Variants in ZNF407 observed in about 807,000 individuals in gnomAD.
ZNF407 encodes the protein zinc finger protein 407.
Under a neutral mutation model 131.2 loss-of-function variants are expected in ZNF407, and 17 were observed. The ratio of observed to expected loss-of-function variants is 0.13; its 90% CI spans 0.09 to 0.19. ZNF407 has a LOEUF of 0.19. Ranked by LOEUF, ZNF407 falls within the 10% of genes least tolerant of loss-of-function variation. The pLI, the probability that ZNF407 is intolerant of heterozygous loss-of-function variation, is 1.00. For synonymous variants in ZNF407, 1,156 were observed against 1,062.0 expected (o/e 1.09, Z -1.72); for missense variants, 2,681 against 2,830.6 (o/e 0.95, Z 1.20).
At position 75,063,501 on chromosome 18, in the gene ZNF407, G is replaced by A. The variant is rs1050103763; in HGVS notation, c.5780G>A (p.Gly1927Glu). Reference sequence around the variant, plus strand: ...GCACATGTAGGCAGCGTGGTGCCCGGACCCATCCTCCCCGAGCAGCTGGCT... The same window carrying A: ...GCACATGTAGGCAGCGTGGTGCCCGAACCCATCCTCCCCGAGCAGCTGGCT... The part of the protein sequence containing the change: ...SGAHVGSVVP[G>E]PILPEQLADG... The change falls in exon 9 of 9, where the codon GGA (glycine) becomes GAA (glutamate). Residue 1927 changes from glycine to glutamate, a missense_variant. Gly to Glu is a moderately conservative substitution (Grantham distance 98). Transcript: ENST00000299687. The surrounding 1 kb of genome is among the most constrained non-coding windows in gnomAD (Gnocchi z 6.6). 2.5e-6 allele frequency: 4 copies of A among 1,591,584 alleles called. No homozygotes were observed. Among genetic ancestry groups the A allele is most frequent in the Non-Finnish European group, 2.6e-6 (3 of 1,170,698 alleles).
intron 4 of ZNF407, among the ~76,000 whole-genome samples, chr18:74,857,747 C>A (rs1970878851): frequency 6.6e-6 from 1 of 152,064 alleles, no homozygotes; most frequent in Middle Eastern, 3.4e-3. Context: ...GTACTGAGTA[C>A]TTGAATCCTT....
intron 3 of ZNF407, among the ~76,000 whole-genome samples, chr18:74,667,596 T>G (rs1362085587): frequency 6.6e-6 from 1 of 152,204 alleles, no homozygotes; most frequent in Non-Finnish European, 1.5e-5. Flanking sequence ...ATTAGAAGAA[T>G]GGAAACTCAG....
At chr18:75,005,797 A>G (rs775899597) in intron 8 of ZNF407, among the ~76,000 whole-genome samples, 3 of 149,220 alleles carry the variant, frequency 2.0e-5, no homozygotes, top group Middle Eastern at 3.5e-3. Context: ...TTAAGGAAGT[A>G]TCAAATCCCC....
At chr18:74,721,036 CGTT>C (rs1440664969) in intron 3 of ZNF407, among the ~76,000 whole-genome samples, 1 of 148,020 alleles carries the variant, frequency 6.8e-6, no homozygotes, top group Non-Finnish European at 1.5e-5. Flanking sequence ...TGAAGAATGT[CGTT>C]GGTATTTTGA....
At chr18:74,833,401 A>G (rs1970511849) in intron 4 of ZNF407, among the ~76,000 whole-genome samples, 11 of 152,256 alleles carry the variant, frequency 7.2e-5, no homozygotes, top group Admixed American at 7.2e-4. Context: ...AATAAATGAC[A>G]TGGTGCTGGA....
At chr18:74,832,943 G>A (rs1024036635) in intron 4 of ZNF407, among the ~76,000 whole-genome samples, 5 of 152,284 alleles carry the variant, frequency 3.3e-5, no homozygotes, top group African/African-American at 1.2e-4. Context: ...ATAAAGGAGA[G>A]ATAAAGTAAG....
At chr18:74,733,816 A>G (rs1269719021) in intron 3 of ZNF407, among the ~76,000 whole-genome samples, 1 of 152,234 alleles carries the variant, frequency 6.6e-6, no homozygotes, top group Non-Finnish European at 1.5e-5. Context: ...AGTGCTTACC[A>G]TAAAGACATC....
intron 8 of ZNF407, among the ~76,000 whole-genome samples, chr18:74,942,715 C>T (rs1199414460): frequency 1.3e-5 from 2 of 152,144 alleles, no homozygotes; most frequent in Non-Finnish European, 2.9e-5. Context: ...GGCGCTTCCT[C>T]TCCATGCTTG....
At chr18:74,671,659 C>T (rs757042866) in intron 3 of ZNF407, among the ~76,000 whole-genome samples, 1 of 152,122 alleles carries the variant, frequency 6.6e-6, no homozygotes, top group Non-Finnish European at 1.5e-5. Context: ...ATAATAGCCT[C>T]CAGCTCCATC....
chr18:74,777,319 C>G (rs1333914020), intron 3 of ZNF407, among the ~76,000 whole-genome samples: 1 of 151,968 alleles, frequency 6.6e-6, no homozygotes, highest in Non-Finnish European at 1.5e-5. Context: ...TTTACGGATA[C>G]TTGTAAGTCG....
chr18:74,687,965 T>C (rs911763191), intron 3 of ZNF407, among the ~76,000 whole-genome samples: 13 of 152,138 alleles, frequency 8.5e-5, no homozygotes, highest in Non-Finnish European at 1.8e-4. Context: ...TTATTCTGAA[T>C]TAAAAAGATT....
intron 8 of ZNF407, among the ~76,000 whole-genome samples, chr18:74,931,698 T>G (rs1012391918): frequency 2.0e-5 from 3 of 152,148 alleles, no homozygotes; most frequent in Admixed American, 6.5e-5. Flanking sequence ...TGTCTGTGCA[T>G]AGTATGTTCC....
At chr18:74,724,987 T>G (rs1401688255) in intron 3 of ZNF407, among the ~76,000 whole-genome samples, 2 of 152,244 alleles carry the variant, frequency 1.3e-5, no homozygotes, top group Non-Finnish European at 2.9e-5. Flanking sequence ...ACTTTAGATT[T>G]TTTGGCTTTT....
intron 3 of ZNF407, among the ~76,000 whole-genome samples, chr18:74,773,136 C>T (rs1969396034): frequency 6.6e-6 from 1 of 152,066 alleles, no homozygotes; most frequent in Non-Finnish European, 1.5e-5. Context: ...TGCTTGAAGC[C>T]CAGGAAATAA....
chr18:74,974,416 G>A (rs1041749946), intron 8 of ZNF407, among the ~76,000 whole-genome samples: 5 of 152,290 alleles, frequency 3.3e-5, no homozygotes, highest in African/African-American at 1.2e-4. Flanking sequence ...TAATGGCATT[G>A]TCACTGTTTA....
At chr18:74,866,025 T>G (rs1431615597) in intron 4 of ZNF407, among the ~76,000 whole-genome samples, 11 of 152,194 alleles carry the variant, frequency 7.2e-5, no homozygotes, top group Non-Finnish European at 1.5e-5. Flanking sequence ...TAAAACTTGT[T>G]TTTATGTTAA....
At chr18:74,824,231 A>G (rs1970379211) in intron 4 of ZNF407, among the ~76,000 whole-genome samples, 1 of 152,222 alleles carries the variant, frequency 6.6e-6, no homozygotes, top group South Asian at 2.1e-4. Flanking sequence ...AGGGAAATTT[A>G]TAGTACTAAA....
chr18:74,742,394 G>A (rs1968569086), intron 3 of ZNF407, among the ~76,000 whole-genome samples: 1 of 152,098 alleles, frequency 6.6e-6, no homozygotes, highest in Non-Finnish European at 1.5e-5. Flanking sequence ...TGAGAGATGA[G>A]GCCAGTAACT....
At chr18:74,916,500 G>A (rs1971766859) in intron 7 of ZNF407, among the ~76,000 whole-genome samples, 1 of 127,752 alleles carries the variant, frequency 7.8e-6, no homozygotes, top group Non-Finnish European at 1.6e-5. Flanking sequence ...GTGTGTGCGT[G>A]CATGTGTGTG....
Sources: gnomAD v4.1 joint callset for allele counts (sites outside exome capture counted in the v4.1 genomes callset) on GRCh38, gnomAD v4.1.1 for gene constraint, Gnocchi (gnomAD v3.1) non-coding constraint, MANE v1.5 for transcripts, NCBI Gene and HGNC (gene_info 2026-07-23, HGNC 2026-07-21) for gene names.